The following NF1 variants were observed in gnomAD, a reference collection of about 807,000 sequenced individuals.
NF1 encodes neurofibromin.
A neutral mutation model predicts 325.7 loss-of-function variants in NF1; 122 were observed. That is an observed-to-expected ratio of 0.37 (90% CI 0.32 to 0.44). The LOEUF is 0.44. NF1 is among the 20% of genes least tolerant of loss of function. The probability of loss-of-function intolerance (pLI) is 1.00; values close to 1 mark genes in which losing one functional copy is unlikely to be tolerated. For synonymous variants in NF1, 1,091 were observed against 1,186.0 expected, an observed-to-expected ratio of 0.92 and a Z score of 1.65; for missense variants, 2,140 against 3,415.4, an observed-to-expected ratio of 0.63 and a Z score of 9.31.
At chr17:31,141,782 T>A (rs1254605596) in intron 1 of NF1, among the ~76,000 whole-genome samples, 1 of 152,144 alleles carries the variant, frequency 6.6e-6, no homozygotes, top group Non-Finnish European at 1.5e-5. Context: ...CTGAAAGCTT[T>A]ACTGGGGCAG....
intron 36 of NF1, among the ~76,000 whole-genome samples, chr17:31,288,546 T>TC (rs2068286025): frequency 7.4e-6 from 1 of 136,048 alleles, no homozygotes; most frequent in Non-Finnish European, 1.5e-5. Context: ...TTTTTTTTTT[T>TC]GGAGTGGGAG....
intron 11 of NF1, among the ~76,000 whole-genome samples, chr17:31,203,874 T>C (rs1002092537): frequency 3.3e-5 from 5 of 152,120 alleles, no homozygotes; most frequent in Admixed American, 1.3e-4. Context: ...AGTTCTACTT[T>C]TGTGAAACAT....
rs566039303 is a variant in NF1 at position 31,099,218 on chromosome 17, T to A, written c.60+3849T>A. 2.6e-5 allele frequency among the ~76,000 whole-genome samples: 4 copies of A among 152,270 alleles called. No homozygotes were observed. The East Asian group carries it at 7.7e-4, about 29-fold the overall frequency. ...CTAGCCACTGCTGATTACAGACATA[T>A]TGCACTCTGATGGGTATCGCTTAGC... On this transcript the variant is annotated intron_variant, in intron 1 of 57. Transcript: ENST00000358273.
At chr17:31,351,559 G>A (rs931300736) in intron 50 of NF1, among the ~76,000 whole-genome samples, 5 of 152,156 alleles carry the variant, frequency 3.3e-5, no homozygotes, top group African/African-American at 1.2e-4. Context: ...TGGGATTACA[G>A]GCGCGTGCCA....
intron 36 of NF1, among the ~76,000 whole-genome samples, chr17:31,283,429 A>C (rs75431503): frequency 0.46 from 67,307 of 146,844 alleles, 17,903 homozygotes; most frequent in African/African-American, 0.76. Flanking sequence ...AAAAACAAAC[A>C]AAAAAAAACA....
At chr17:31,307,985 T>G in intron 36 of NF1, 3 of 1,194,678 alleles carry the variant, frequency 2.5e-6, no homozygotes, top group Non-Finnish European at 3.3e-6. Flanking sequence ...AAAAGATATG[T>G]GATTTTTTTC....
intron 36 of NF1, among the ~76,000 whole-genome samples, chr17:31,267,543 A>C (rs1207575995): frequency 6.6e-6 from 1 of 152,164 alleles, no homozygotes; most frequent in African/African-American, 2.4e-5. Flanking sequence ...ATATCAGAGC[A>C]GAGCATCCAT....
intron 36 of NF1, among the ~76,000 whole-genome samples, chr17:31,274,424 A>T (rs759283286): frequency 5.9e-5 from 9 of 152,202 alleles, no homozygotes; most frequent in African/African-American, 2.2e-4. Flanking sequence ...CATAAATGGC[A>T]GAAGTACAAG....
chr17:31,151,963 A>G (rs964882025), intron 1 of NF1, among the ~76,000 whole-genome samples: 1 of 152,132 alleles, frequency 6.6e-6, no homozygotes, highest in African/African-American at 2.4e-5. Flanking sequence ...TACATGTGCC[A>G]TGTTGGTGTG....
chr17:31,303,725 A>G (rs1262960510), intron 36 of NF1: 1 of 152,242 alleles, frequency 6.6e-6, no homozygotes, highest in Non-Finnish European at 1.5e-5. Flanking sequence ...TGATGTTTTA[A>G]CATGTTTGTT....
intron 1 of NF1, among the ~76,000 whole-genome samples, chr17:31,139,866 C>T (rs1347115475): frequency 6.6e-6 from 1 of 152,142 alleles, no homozygotes; most frequent in African/African-American, 2.4e-5. Flanking sequence ...TGAAGGTAAT[C>T]GTTGGTGGGT....
chr17:31,358,171 CAG>C (rs1410629153), intron 54 of NF1: 11 of 420,424 alleles, frequency 2.6e-5, no homozygotes, highest in Non-Finnish European at 4.0e-5. Flanking sequence ...AAGTAGCAGA[CAG>C]AGCCAACCTT....
At chr17:31,152,650 A>G (rs1917029197) in intron 1 of NF1, among the ~76,000 whole-genome samples, 1 of 146,526 alleles carries the variant, frequency 6.8e-6, no homozygotes, top group Non-Finnish European at 1.5e-5. Flanking sequence ...TTATCTTCTA[A>G]TTCTTTCTTG....
At chr17:31,293,695 A>G (rs757916143) in intron 36 of NF1, among the ~76,000 whole-genome samples, 12 of 151,618 alleles carry the variant, frequency 7.9e-5, no homozygotes, top group Non-Finnish European at 1.5e-4. Flanking sequence ...TCCTTTCTCT[A>G]TCTTTTCCCA....
chr17:31,096,024 C>T (rs1445279667), intron 1 of NF1, among the ~76,000 whole-genome samples: 1 of 151,950 alleles, frequency 6.6e-6, no homozygotes, highest in Non-Finnish European at 1.5e-5. Context: ...CCTACAACGT[C>T]GTCCCCCATA....
chr17:31,096,502 T>C (rs1375289972), intron 1 of NF1, among the ~76,000 whole-genome samples: 1 of 152,188 alleles, frequency 6.6e-6, no homozygotes, highest in Non-Finnish European at 1.5e-5. Flanking sequence ...TGTGTTGCTG[T>C]AGGTAGTTGG....
At chr17:31,199,549 G>C (rs1481537728) in intron 8 of NF1, among the ~76,000 whole-genome samples, 5 of 152,136 alleles carry the variant, frequency 3.3e-5, no homozygotes, top group Admixed American at 2.0e-4. Flanking sequence ...GCTGGTGTTG[G>C]GTGAGTTTAG....
Position 31,235,995 on chromosome 17 carries a change from T to G in NF1, c.3948T>G (p.His1316Gln). ...RIVITSSDWQ[H>Q]VSFEVDPTRL... Reference sequence around the variant, plus strand: ...TGATCACATCCTCTGATTGGCAACATGTTAGCTTTGAAGTGGATCCTACCA... The same window carrying G: ...TGATCACATCCTCTGATTGGCAACAGGTTAGCTTTGAAGTGGATCCTACCA... The change falls in exon 29 of 58, where the codon CAT becomes CAG. Residue 1316 changes from histidine to glutamine, a missense_variant. His to Gln is a conservative substitution (Grantham distance 24). This residue lies in a region of NF1 where 336 missense variants were observed against 399.0 expected (regional missense o/e 0.84). Transcript: ENST00000358273. 1.9e-6 allele frequency: 3 copies of G among 1,614,064 alleles called. No homozygotes were observed. Among genetic ancestry groups the G allele is most frequent in the Non-Finnish European group, 1.7e-6 (2 of 1,179,956 alleles).
intron 1 of NF1, among the ~76,000 whole-genome samples, chr17:31,113,732 G>C: frequency 6.6e-6 from 1 of 152,126 alleles, no homozygotes; most frequent in Middle Eastern, 3.2e-3. Flanking sequence ...TGTTGGCCAG[G>C]CTGGTCTCAA....
Sources: allele counts gnomAD v4.1 joint callset (sites outside exome capture counted in the v4.1 genomes callset), GRCh38; gene constraint gnomAD v4.1.1; regional missense constraint gnomAD v4.1.1; transcripts MANE v1.5; gene names NCBI Gene and HGNC (gene_info 2026-07-23, HGNC 2026-07-21).